Variants in TRABD2B observed in about 807,000 individuals in gnomAD.
TRABD2B encodes TraB domain containing 2B.
In TRABD2B, 14 loss-of-function variants were observed where a neutral mutation model predicts 40.1. The observed-to-expected ratio is 0.35, with a 90% CI of 0.23 to 0.55. The LOEUF is 0.55. Among genes scored for constraint, TRABD2B ranks in the 20% least tolerant of loss-of-function variants. The pLI, the probability that TRABD2B is intolerant of heterozygous loss-of-function variation, is 0.90. For missense variants in TRABD2B, 541 were observed against 648.6 expected (o/e 0.83, Z 1.80); for synonymous variants, 263 against 277.0 (o/e 0.95, Z 0.50).
At chr1:47,985,511 G>A (rs528903856) in intron 2 of TRABD2B, among the ~76,000 whole-genome samples, 4 of 152,316 alleles carry the variant, frequency 2.6e-5, no homozygotes, top group South Asian at 2.1e-4. Context: ...TAAGTCCTTC[G>A]GAAGGAACAC....
intron 2 of TRABD2B, among the ~76,000 whole-genome samples, chr1:47,862,700 C>T (rs2124560036): frequency 6.6e-6 from 1 of 152,198 alleles, no homozygotes; most frequent in East Asian, 1.9e-4. Flanking sequence ...AATCAAAATC[C>T]CACCAAGTTA....
At chr1:47,837,312 G>C (rs1272107742) in intron 2 of TRABD2B, among the ~76,000 whole-genome samples, 1 of 152,176 alleles carries the variant, frequency 6.6e-6, no homozygotes, top group Non-Finnish European at 1.5e-5. Context: ...CCCACATTAG[G>C]ACGTCTTGTT....
chr1:47,982,150 C>T (rs559170131), intron 2 of TRABD2B, among the ~76,000 whole-genome samples: 74 of 152,198 alleles, frequency 4.9e-4, no homozygotes, highest in Admixed American at 6.5e-4. Flanking sequence ...CACATAGTTC[C>T]CATCAGACCA....
chr1:47,843,819 A>ACGAG (rs1645431149), intron 2 of TRABD2B, among the ~76,000 whole-genome samples: 1 of 152,320 alleles, frequency 6.6e-6, no homozygotes, highest in East Asian at 1.9e-4. Context: ...GAGAAGGCAG[A>ACGAG]TGAGTGGGGT....
At chr1:47,954,036 T>C (rs1431398602) in intron 2 of TRABD2B, among the ~76,000 whole-genome samples, 1 of 152,234 alleles carries the variant, frequency 6.6e-6, no homozygotes, top group Non-Finnish European at 1.5e-5. Flanking sequence ...GGGCCTACTA[T>C]GTACCCAGTC....
chr1:47,904,007 T>G (rs2124686203), intron 2 of TRABD2B, among the ~76,000 whole-genome samples: 1 of 152,298 alleles, frequency 6.6e-6, no homozygotes, highest in Non-Finnish European at 1.5e-5. Context: ...CCAGGCCCTA[T>G]GTGATGAACC....
At chr1:47,861,861 T>C (rs1004372635) in intron 2 of TRABD2B, among the ~76,000 whole-genome samples, 1 of 152,146 alleles carries the variant, frequency 6.6e-6, no homozygotes, top group African/African-American at 2.4e-5. Context: ...ATAAAAATCC[T>C]CAGCAAAAGA....
chr1:47,895,095 C>A (rs1353506998), intron 2 of TRABD2B, among the ~76,000 whole-genome samples: 2 of 152,182 alleles, frequency 1.3e-5, no homozygotes, highest in African/African-American at 4.8e-5. Flanking sequence ...TATCCTGCGG[C>A]CCCTGCCTCA....
intron 2 of TRABD2B, among the ~76,000 whole-genome samples, chr1:47,858,204 CTTTATTTTATTTTATTTTAT>C (rs201856478): frequency 0.06 from 8,114 of 135,260 alleles, 622 homozygotes; most frequent in African/African-American, 0.18. Context: ...CTTTATTTTA[CTTTATTTTATTTTATTTTAT>C]TTTATTTTAT....
chr1:47,932,745 C>G (rs956387047), intron 2 of TRABD2B, among the ~76,000 whole-genome samples: 6 of 152,204 alleles, frequency 3.9e-5, no homozygotes, highest in Admixed American at 3.9e-4. Flanking sequence ...ACAGTCCCAG[C>G]CCCACTATTT....
chr1:47,803,126 C>T (rs560608149), intron 2 of TRABD2B, among the ~76,000 whole-genome samples: 4 of 152,218 alleles, frequency 2.6e-5, no homozygotes, highest in Non-Finnish European at 5.9e-5. Context: ...AGACTCTCCT[C>T]GGCTGTCTCC....
intron 2 of TRABD2B, among the ~76,000 whole-genome samples, chr1:47,838,533 C>T (rs1166215505): frequency 2.0e-5 from 3 of 152,216 alleles, no homozygotes; most frequent in Non-Finnish European, 4.4e-5. Context: ...TCTGAATCTT[C>T]TGTTTCCTGG....
intron 2 of TRABD2B, among the ~76,000 whole-genome samples, chr1:47,847,201 A>G (rs1645484014): frequency 1.3e-5 from 2 of 152,194 alleles, no homozygotes; most frequent in South Asian, 4.1e-4. Flanking sequence ...AAGGTTAAAG[A>G]GGACACTACC....
In TRABD2B at chr1:47,962,250, T is replaced by G. The variant is rs144965881; in HGVS notation, c.666+31784A>C. ...ATGGGGGAGGGATAGCATTAGGAGA[T>G]ATACCTAATGTAAATGACGAGTTAA... On this transcript the variant is annotated intron_variant, in intron 2 of 6. Transcript: ENST00000606738. 9.8e-3 allele frequency among the ~76,000 whole-genome samples: 1,494 copies of G among 152,086 alleles called. 64 individuals are homozygous for G. The East Asian group carries it at 0.12, about 12-fold the overall frequency.
intron 2 of TRABD2B, among the ~76,000 whole-genome samples, chr1:47,883,538 A>G (rs1644332882): frequency 6.6e-6 from 1 of 152,136 alleles, no homozygotes; most frequent in Admixed American, 6.5e-5. Context: ...CTGAATATGG[A>G]TGTGTCTTGG....
chr1:47,798,777 A>G (rs1396738576), intron 3 of TRABD2B, among the ~76,000 whole-genome samples: 1 of 152,120 alleles, frequency 6.6e-6, no homozygotes, highest in East Asian at 1.9e-4. Context: ...AGGCAAAGGC[A>G]CTGTGGCCCC....
At chr1:47,917,543 A>G (rs1644846544) in intron 2 of TRABD2B, among the ~76,000 whole-genome samples, 1 of 151,914 alleles carries the variant, frequency 6.6e-6, no homozygotes, top group Non-Finnish European at 1.5e-5. Context: ...CAATATAGTA[A>G]GGCCTTGTGT....
intron 2 of TRABD2B, among the ~76,000 whole-genome samples, chr1:47,808,551 G>C (rs143907183): frequency 6.6e-6 from 1 of 152,194 alleles, no homozygotes; most frequent in Admixed American, 6.5e-5. Flanking sequence ...ACAGTGATGG[G>C]AGACAAAGTT....
rs1176569354 is a variant in TRABD2B at position 47,994,670 on chromosome 1, C to T, written c.103-73G>A. The T allele has an allele frequency of 3.4e-5, 47 of 1,366,994 alleles. No individual in the cohort carries two copies. In the South Asian group the frequency reaches 4.9e-4, roughly 14 times the overall value. 84.7% of individuals were successfully genotyped at this position (1,366,994 alleles called of 1,614,324 possible). ...GTAGAGTCAGGGTAGCCCAGAGGCA[C>T]GTTGCAGAGGGAGGTGGGGATGGGA... On this transcript the variant is annotated intron_variant, in intron 1 of 6. Coordinates refer to ENST00000606738, the MANE Select transcript of TRABD2B (RefSeq NM_001194986.2). The surrounding 1 kb of genome is among the most constrained non-coding windows in gnomAD (Gnocchi z 6.7).
Sources: allele counts gnomAD v4.1 joint callset (sites outside exome capture counted in the v4.1 genomes callset), GRCh38; gene constraint gnomAD v4.1.1; non-coding constraint Gnocchi (gnomAD v3.1); transcripts MANE v1.5; gene names NCBI Gene and HGNC (gene_info 2026-07-23, HGNC 2026-07-21).